Variants in LAMA2 observed in about 807,000 individuals in gnomAD.
The protein encoded by LAMA2 is laminin subunit alpha-2.
In LAMA2, 269 loss-of-function variants were observed where a neutral mutation model predicts 364.8. That is an observed-to-expected ratio of 0.74 (90% confidence interval 0.67 to 0.82). LAMA2 has a LOEUF of 0.82. LAMA2 is among the 40% of genes least tolerant of loss of function. The probability of loss-of-function intolerance (pLI) is 0.00; values close to 1 mark genes in which losing one functional copy is unlikely to be tolerated. For missense variants in LAMA2, 3,807 were observed against 3,873.2 expected (o/e 0.98, Z 0.45); for synonymous variants, 1,379 against 1,370.6 (o/e 1.01, Z -0.14).
intron 49 of LAMA2, among the ~76,000 whole-genome samples, chr6:129,462,604 T>C (rs541301170): frequency 6.6e-6 from 1 of 152,156 alleles, no homozygotes; most frequent in African/African-American, 2.4e-5. Context: ...TGAGCTGTGC[T>C]AATACTTTGA....
intron 3 of LAMA2, among the ~76,000 whole-genome samples, chr6:129,091,487 A>C (rs139672018): frequency 6.6e-6 from 1 of 152,220 alleles, no homozygotes; most frequent in South Asian, 2.1e-4. Context: ...GTTACAACAC[A>C]GGAGGTGAAA....
At chr6:129,144,152 A>T (rs966227912) in intron 5 of LAMA2, 72 bp downstream of exon 5, 25 of 1,252,746 alleles carry the variant, frequency 2.0e-5, no homozygotes, top group African/African-American at 3.0e-5. Context: ...TAAATACTTT[A>T]AAAATGTTTT....
intron 57 of LAMA2, 113 bp downstream of exon 57, chr6:129,492,190 AG>A: frequency 7.1e-7 from 1 of 1,400,350 alleles, no homozygotes; most frequent in Non-Finnish European, 1.0e-6. Context: ...GGAAACAATG[AG>A]GATCTTCAAC....
At chr6:128,973,474 G>C (rs1260431511) in intron 1 of LAMA2, among the ~76,000 whole-genome samples, 1 of 152,056 alleles carries the variant, frequency 6.6e-6, no homozygotes, top group Non-Finnish European at 1.5e-5. Context: ...TGCCTCTTTT[G>C]ACATTATTTT....
rs773390089 is a variant in LAMA2 at position 129,456,451 on chromosome 6, C to G, written c.6824C>G (p.Ala2275Gly). ...PPGYTILDVDANAMLFVGGLT... is the reference protein window; with the variant it reads ...PPGYTILDVDGNAMLFVGGLT... ...GGGTACACGATTCTAGATGTGGATG[C>G]AAATGCAATGCTGTTTGTTGGTGGC... The change falls in exon 48 of 65, where the codon GCA becomes GGA. Residue 2275 changes from alanine to glycine, a missense_variant. Coordinates refer to ENST00000421865, the MANE Select transcript of LAMA2 (RefSeq NM_000426.4). 1 of 1,613,502 alleles carries G rather than the reference C, an allele frequency of 6.2e-7. No individual in the cohort carries two copies. Among genetic ancestry groups the G allele is most frequent in the Non-Finnish European group, 8.5e-7 (1 of 1,179,580 alleles).
intron 1 of LAMA2, among the ~76,000 whole-genome samples, chr6:128,933,985 G>A (rs796812875): frequency 1.2e-4 from 19 of 152,156 alleles, no homozygotes; most frequent in African/African-American, 4.3e-4. Context: ...CCTGTGCTTC[G>A]GGTGTCGTAC....
chr6:129,162,462 T>G (rs752746720), intron 8 of LAMA2, among the ~76,000 whole-genome samples: 1 of 152,088 alleles, frequency 6.6e-6, no homozygotes, highest in Non-Finnish European at 1.5e-5. Context: ...CTTTAACATT[T>G]TTTTTTTGGT....
intron 63 of LAMA2, 85 bp downstream of exon 63, chr6:129,512,578 A>G (rs145994641): frequency 4.2e-6 from 6 of 1,436,356 alleles, no homozygotes; most frequent in Non-Finnish European, 4.9e-6. Context: ...AAACTCGAAT[A>G]TTTTGAAGCC....
At chr6:129,490,481 G>A (rs1400823405) in intron 56 of LAMA2, among the ~76,000 whole-genome samples, 3 of 152,198 alleles carry the variant, frequency 2.0e-5, no homozygotes, top group African/African-American at 7.2e-5. Context: ...GAAAGAGGAA[G>A]GCCTCTAGCT....
chr6:129,156,260 A>G (rs1214733481), intron 8 of LAMA2, among the ~76,000 whole-genome samples: 1 of 151,830 alleles, frequency 6.6e-6, no homozygotes, highest in East Asian at 1.9e-4. Flanking sequence ...CTTTAAAAGC[A>G]AACAAGTATT....
chr6:129,132,647 G>A (rs1282180389), intron 4 of LAMA2, among the ~76,000 whole-genome samples: 1 of 152,196 alleles, frequency 6.6e-6, no homozygotes, highest in Non-Finnish European at 1.5e-5. Context: ...AGGCTGTCCA[G>A]GTTGGTAACA....
At chr6:129,167,851 C>T (rs1012143106) in intron 9 of LAMA2, among the ~76,000 whole-genome samples, 2 of 150,596 alleles carry the variant, frequency 1.3e-5, no homozygotes, top group African/African-American at 4.9e-5. Flanking sequence ...TTAATGATTG[C>T]CATTCTAACT....
intron 6 of LAMA2, among the ~76,000 whole-genome samples, chr6:129,147,914 C>CT (rs1375960591): frequency 6.7e-6 from 1 of 149,906 alleles, no homozygotes; most frequent in African/African-American, 2.5e-5. Context: ...GTGCTTTCTT[C>CT]TTTTTTTTGT....
chr6:129,097,568 G>A (rs1775264472), intron 3 of LAMA2, among the ~76,000 whole-genome samples: 1 of 152,120 alleles, frequency 6.6e-6, no homozygotes, highest in African/African-American at 2.4e-5. Context: ...TCAATCCGTT[G>A]TCTTCATAAC....
intron 1 of LAMA2, among the ~76,000 whole-genome samples, chr6:128,947,942 A>C (rs1288011772): frequency 1.3e-5 from 2 of 152,166 alleles, no homozygotes; most frequent in Non-Finnish European, 2.9e-5. Flanking sequence ...TCAGATTTGA[A>C]ATATAGGTGA....
At chr6:129,246,617 A>G (rs1785770552) in intron 12 of LAMA2, among the ~76,000 whole-genome samples, 3 of 152,218 alleles carry the variant, frequency 2.0e-5, no homozygotes, top group African/African-American at 7.2e-5. Flanking sequence ...AAGTGCAACA[A>G]CATATGAAAT....
chr6:129,299,618 G>T (rs886889973), intron 21 of LAMA2, among the ~76,000 whole-genome samples: 2 of 152,018 alleles, frequency 1.3e-5, no homozygotes, highest in Admixed American at 1.3e-4. Context: ...AAACATAATG[G>T]TAACTATTTT....
rs1057524318 is a variant in LAMA2, at chr6:129,353,296, C to A, written c.4656C>A (p.Ala1552=). 2.5e-6 allele frequency: 4 copies of A among 1,614,080 alleles called. No homozygotes were observed. In the Admixed American group the frequency reaches 6.7e-5, roughly 27 times the overall value. ...VTGFCTCRPG[A]TGRKCDGCKH... is the part of the protein sequence containing the mutation. ...GATTCTGCACGTGCCGACCTGGAGCCACGGGAAGGAAGTGTGACGGCTGCA... is the reference window on the plus strand; with the variant it reads ...GATTCTGCACGTGCCGACCTGGAGCAACGGGAAGGAAGTGTGACGGCTGCA... Residue 1552 remains alanine, a synonymous_variant, in exon 32 of 65, where the codon GCC becomes GCA. Transcript: ENST00000421865.
intron 12 of LAMA2, among the ~76,000 whole-genome samples, chr6:129,212,308 C>A (rs1314131769): frequency 6.6e-6 from 1 of 152,138 alleles, no homozygotes; most frequent in African/African-American, 2.4e-5. Flanking sequence ...CTGGAAAGAA[C>A]TTGAGCAGGA....
Sources: gnomAD v4.1 joint callset for allele counts (sites outside exome capture counted in the v4.1 genomes callset) on GRCh38, gnomAD v4.1.1 for gene constraint, MANE v1.5 for transcripts, NCBI Gene and HGNC (gene_info 2026-07-23, HGNC 2026-07-21) for gene names.